Variants in GLG1 observed in about 807,000 individuals in gnomAD.
GLG1 encodes the protein golgi glycoprotein 1, also known as Golgi apparatus protein 1.
Under a neutral mutation model 160.5 loss-of-function variants are expected in GLG1, and 38 were observed. That is an observed-to-expected ratio of 0.24 (90% CI 0.18 to 0.31). The LOEUF is 0.31. GLG1 is among the 10% of genes least tolerant of loss of function. The probability of loss-of-function intolerance (pLI) is 1.00; values close to 1 mark genes in which losing one functional copy is unlikely to be tolerated. For missense variants in GLG1, 1,373 were observed against 1,505.2 expected, an observed-to-expected ratio of 0.91 and a Z score of 1.45; for synonymous variants, 644 against 543.4, an observed-to-expected ratio of 1.19 and a Z score of -2.57.
intron 8 of GLG1, 140 bp from the exon 9 acceptor site, chr16:74,486,057 G>C: frequency 1.6e-6 from 1 of 617,144 alleles, no homozygotes; most frequent in East Asian, 2.9e-5. Context: ...CACTAGCCAA[G>C]CTCAAGAGCA....
chr16:74,560,509 T>C (rs2018482448), intron 1 of GLG1, among the ~76,000 whole-genome samples: 1 of 150,936 alleles, frequency 6.6e-6, no homozygotes. Flanking sequence ...CAAGCCTAGC[T>C]AATTTTTGTA....
At chr16:74,539,816 A>G (rs1296462130) in intron 1 of GLG1, among the ~76,000 whole-genome samples, 3 of 147,600 alleles carry the variant, frequency 2.0e-5, no homozygotes, top group Non-Finnish European at 4.5e-5. Flanking sequence ...TGAGAAGTCA[A>G]ATTACATCTT....
At chr16:74,523,439 T>C (rs974788603) in intron 2 of GLG1, among the ~76,000 whole-genome samples, 4 of 152,168 alleles carry the variant, frequency 2.6e-5, no homozygotes, top group Non-Finnish European at 5.9e-5. Context: ...AGGTACTCTG[T>C]GTTTCCACAT....
At chr16:74,590,419 A>T (rs1019664106) in intron 1 of GLG1, among the ~76,000 whole-genome samples, 66 of 151,966 alleles carry the variant, frequency 4.3e-4, no homozygotes, top group African/African-American at 1.4e-3. Flanking sequence ...GGAGTTCGAG[A>T]CCAGCCTGAC....
intron 23 of GLG1, 170 bp from the exon 24 acceptor site, chr16:74,458,164 T>G: frequency 1.8e-6 from 1 of 549,162 alleles, no homozygotes; most frequent in Non-Finnish European, 3.3e-6. Context: ...ATGCAGAATT[T>G]AATTGAGTAA....
chr16:74,477,272 C>T, intron 12 of GLG1, 124 bp downstream of exon 12: 1 of 802,680 alleles, frequency 1.2e-6, no homozygotes, highest in Non-Finnish European at 2.1e-6. Context: ...AAATATTGAA[C>T]AATACAACAA....
At chr16:74,485,960 G>A (rs760365273) in intron 8 of GLG1, 43 bp from the exon 9 acceptor site, 2 of 1,557,332 alleles carry the variant, frequency 1.3e-6, no homozygotes, top group Non-Finnish European at 1.8e-6. Context: ...AAGTCACTTA[G>A]GTGCTAGGTA....
At chr16:74,527,245 C>CTTTAT in intron 2 of GLG1, among the ~76,000 whole-genome samples, 1 of 83,100 alleles carries the variant, frequency 1.2e-5, no homozygotes, top group African/African-American at 4.5e-5. Flanking sequence ...TAAGTCAGTT[C>CTTTAT]TTTTTTTTTT....
intron 1 of GLG1, among the ~76,000 whole-genome samples, chr16:74,542,744 A>AGGAAGGAAGGAAGGAAG: frequency 7.8e-5 from 1 of 12,882 alleles, no homozygotes; most frequent in African/African-American, 2.6e-4. Flanking sequence ...GGAGGAAGGA[A>AGGAAGGAAGGAAGGAAG]GGAAGGAAGG....
chr16:74,507,019 A>G (rs2016637015), intron 3 of GLG1, among the ~76,000 whole-genome samples: 1 of 152,170 alleles, frequency 6.6e-6, no homozygotes, highest in Non-Finnish European at 1.5e-5. Context: ...TTTGGTTTGT[A>G]TTAATAGTTT....
chr16:74,452,489 T>TGGCTGTGG lies in GLG1; in HGVS notation c.*670_*677dup. 9.5e-7 allele frequency: 1 copy of TGGCTGTGG among 1,048,210 alleles called. No homozygotes were observed. Among genetic ancestry groups the TGGCTGTGG allele is most frequent in the Non-Finnish European group, 1.2e-6 (1 of 866,136 alleles). 64.9% of individuals were successfully genotyped at this position (1,048,210 alleles called of 1,614,324 possible). A position where few individuals can be genotyped will look rare whatever the true frequency, so the allele number is the denominator to read the frequency against. Reference sequence around the variant, plus strand: ...AGCGAGGAGACCACAGAAATACCCATGGCTGTGGGGCTGTGACCAGCAGTG... The same window carrying TGGCTGTGG: ...AGCGAGGAGACCACAGAAATACCCATGGCTGTGGGGCTGTGGGGCTGTGACCAGCAGTG... On this transcript the variant is annotated 3_prime_UTR_variant, in exon 26 of 26. Transcript: ENST00000422840.
At chr16:74,572,105 T>C (rs144552481) in intron 1 of GLG1, among the ~76,000 whole-genome samples, 1,858 of 152,162 alleles carry the variant, frequency 0.012, 34 homozygotes, top group African/African-American at 0.043. Context: ...CAAGGCATGA[T>C]TGGAGGGTTG....
intron 8 of GLG1, 97 bp downstream of exon 8, chr16:74,490,904 C>T (rs1433499323): frequency 1.4e-5 from 11 of 801,868 alleles, no homozygotes; most frequent in Non-Finnish European, 2.3e-5. Context: ...TGTGATACCA[C>T]AGATGATCCA....
chr16:74,552,979 G>T (rs1386553641), intron 1 of GLG1, among the ~76,000 whole-genome samples: 1 of 152,086 alleles, frequency 6.6e-6, no homozygotes. Flanking sequence ...TGCACTTTGG[G>T]AGGCAGAGGC....
intron 2 of GLG1, among the ~76,000 whole-genome samples, chr16:74,520,523 C>T (rs2017129060): frequency 6.6e-6 from 1 of 152,156 alleles, no homozygotes. Flanking sequence ...GTAATCCCAG[C>T]TACTTGGGAG....
chr16:74,500,657 GGAAATAATAAAT>G lies in GLG1; in HGVS notation c.774+2862_774+2873del, dbSNP rs764920329. 5.2e-4 allele frequency among the ~76,000 whole-genome samples: 79 copies of G among 151,970 alleles called. 1 individual carries two copies. The highest frequency in any genetic ancestry group is 7.9e-4 in the Admixed American group (12 of 15,228). ...TACTCAAATTAACTGGTTAAAAGCA[GGAAATAATAAAT>G]GAAATAATAAATAATAAATGATACA... is the stretch of plus-strand genomic sequence containing the variant. On this transcript the variant is annotated intron_variant, in intron 4 of 25. Transcript: ENST00000422840.
At chr16:74,580,889 G>A (rs1052794845) in intron 1 of GLG1, among the ~76,000 whole-genome samples, 5 of 152,172 alleles carry the variant, frequency 3.3e-5, no homozygotes, top group African/African-American at 9.7e-5. Context: ...TGACCAACAT[G>A]GTGAAACTCC....
chr16:74,456,566 T>C (rs970033688), intron 25 of GLG1, 83 bp downstream of exon 25: 4 of 848,816 alleles, frequency 4.7e-6, no homozygotes, highest in South Asian at 1.4e-5. Context: ...TGGCATGGCC[T>C]TTGCTCAAGG....
intron 1 of GLG1, among the ~76,000 whole-genome samples, chr16:74,583,883 C>G (rs1484911399): frequency 6.6e-6 from 1 of 152,128 alleles, no homozygotes; most frequent in Non-Finnish European, 1.5e-5. Context: ...ATTCCCAGCA[C>G]CTACAATTAA....
Sources: allele counts gnomAD v4.1 joint callset (sites outside exome capture counted in the v4.1 genomes callset), GRCh38; gene constraint gnomAD v4.1.1; transcripts MANE v1.5; gene names NCBI Gene and HGNC (gene_info 2026-07-23, HGNC 2026-07-21).